ATL1: variants seen among roughly 807,000 people sequenced by gnomAD.
ATL1 encodes the protein atlastin-1.
ATL1 carries 31 observed loss-of-function variants against 75.5 expected under a neutral mutation model. The ratio of observed to expected loss-of-function variants is 0.41; its 90% CI spans 0.31 to 0.55. The LOEUF (loss-of-function observed/expected upper bound fraction) is 0.55. Ranked by LOEUF, ATL1 falls within the 20% of genes least tolerant of loss-of-function variation. The pLI is 0.27. For synonymous variants in ATL1, 226 were observed against 233.3 expected (o/e 0.97, Z 0.28); for missense variants, 405 against 662.6 (o/e 0.61, Z 4.27).
intron 1 of ATL1, among the ~76,000 whole-genome samples, chr14:50,577,580 T>C (rs557281512): frequency 3.9e-5 from 6 of 152,206 alleles, no homozygotes; most frequent in Non-Finnish European, 8.8e-5. Context: ...TTAGTATATA[T>C]AATTCTGAAA....
chr14:50,595,464 G>C (rs1595603194), intron 5 of ATL1, 112 bp from the exon 6 acceptor site: 1 of 942,606 alleles, frequency 1.1e-6, no homozygotes, highest in Non-Finnish European at 1.7e-6. Context: ...GTTATACCTA[G>C]AGGGAAAAGT....
intron 1 of ATL1, chr14:50,572,107 AT>A: frequency 2.7e-5 from 13 of 476,452 alleles, no homozygotes; most frequent in East Asian, 6.1e-5. Context: ...TTGTCCATAA[AT>A]TTTTTTAAAT....
intron 6 of ATL1, among the ~76,000 whole-genome samples, chr14:50,607,376 G>T (rs1323866404): frequency 6.6e-6 from 1 of 152,032 alleles, no homozygotes. Flanking sequence ...ACATGTAGGC[G>T]TCAGGGGCGT....
At chr14:50,614,222 C>A in intron 7 of ATL1, 151 bp from the exon 8 acceptor site, 1 of 871,164 alleles carries the variant, frequency 1.1e-6, no homozygotes. Context: ...GGCAAACCCA[C>A]CCAAGACTTT....
chr14:50,607,977 T>C (rs1231332747), intron 6 of ATL1, among the ~76,000 whole-genome samples: 1 of 152,094 alleles, frequency 6.6e-6, no homozygotes, highest in Non-Finnish European at 1.5e-5. Flanking sequence ...TTTTGAATAA[T>C]TTCCTGAAAG....
intron 8 of ATL1, among the ~76,000 whole-genome samples, chr14:50,617,834 G>A (rs558803301): frequency 2.6e-5 from 4 of 152,306 alleles, no homozygotes; most frequent in African/African-American, 9.6e-5. Flanking sequence ...TCTGGTTCAT[G>A]TCTTTACTGT....
At chr14:50,621,554 G>A (rs1332975300) in intron 9 of ATL1, among the ~76,000 whole-genome samples, 1 of 152,156 alleles carries the variant, frequency 6.6e-6, no homozygotes, top group Non-Finnish European at 1.5e-5. Flanking sequence ...TAACTGAAAA[G>A]GGCGTTACTC....
At chr14:50,604,476 G>T (rs755954163) in intron 6 of ATL1, among the ~76,000 whole-genome samples, 4 of 152,098 alleles carry the variant, frequency 2.6e-5, no homozygotes, top group South Asian at 4.1e-4. Flanking sequence ...TAAGGGGGTA[G>T]TATATACATA....
intron 6 of ATL1, among the ~76,000 whole-genome samples, chr14:50,610,872 T>G (rs1290091687): frequency 3.9e-5 from 6 of 152,100 alleles, no homozygotes; most frequent in Non-Finnish European, 8.8e-5. Flanking sequence ...TTCCGTCTAG[T>G]TCCCCTTCTA....
intron 8 of ATL1, among the ~76,000 whole-genome samples, chr14:50,617,483 A>C (rs2039426367): frequency 6.6e-6 from 1 of 152,228 alleles, no homozygotes; most frequent in African/African-American, 2.4e-5. Context: ...TAGACTTGAG[A>C]ATGCATAGTC....
At chr14:50,589,888 G>A (rs1194390904) in intron 2 of ATL1, among the ~76,000 whole-genome samples, 1 of 152,070 alleles carries the variant, frequency 6.6e-6, no homozygotes, top group Non-Finnish European at 1.5e-5. Context: ...GTTACTGTAA[G>A]GTTTTAGATT....
intron 1 of ATL1, among the ~76,000 whole-genome samples, chr14:50,547,326 GA>G (rs201867805): frequency 6.0e-5 from 9 of 150,620 alleles, no homozygotes; most frequent in Admixed American, 1.3e-4. Flanking sequence ...ATTTCCAGTT[GA>G]AAAAAAAATG....
At chr14:50,607,775 T>A (rs562023022) in intron 6 of ATL1, among the ~76,000 whole-genome samples, 1 of 152,120 alleles carries the variant, frequency 6.6e-6, no homozygotes, top group Non-Finnish European at 1.5e-5. Flanking sequence ...TACTGTTATT[T>A]TTCAGATAAC....
chr14:50,627,730 C>A (rs2039534980), intron 11 of ATL1, among the ~76,000 whole-genome samples: 1 of 152,134 alleles, frequency 6.6e-6, no homozygotes, highest in Non-Finnish European at 1.5e-5. Flanking sequence ...ACTCAGTTTG[C>A]ACTTCATGTT....
At chr14:50,559,396 G>A (rs2038805229), upstream of ATL1, 2 of 152,238 alleles carry the variant, frequency 1.3e-5, no homozygotes, top group Admixed American at 1.3e-4. Flanking sequence ...CAGAGAGAAA[G>A]CAGTGAAAAG....
At chr14:50,576,796 C>G (rs575700985) in intron 1 of ATL1, among the ~76,000 whole-genome samples, 1 of 152,128 alleles carries the variant, frequency 6.6e-6, no homozygotes, top group African/African-American at 2.4e-5. Context: ...AGGCTTGTCT[C>G]GAACTCCAGA....
intron 10 of ATL1, among the ~76,000 whole-genome samples, chr14:50,622,746 T>A (rs2039480093): frequency 6.6e-6 from 1 of 152,152 alleles, no homozygotes; most frequent in Admixed American, 6.5e-5. Flanking sequence ...ATTTTTAAAA[T>A]GTAAGTTCTT....
At chr14:50,609,835 G>T (rs1229103914) in intron 6 of ATL1, among the ~76,000 whole-genome samples, 3 of 151,990 alleles carry the variant, frequency 2.0e-5, no homozygotes, top group Non-Finnish European at 4.4e-5. Flanking sequence ...AATGAACTTG[G>T]AACACCTTTG....
At chr14:50,535,196 G>T (rs896233143) in intron 1 of ATL1, among the ~76,000 whole-genome samples, 1 of 152,170 alleles carries the variant, frequency 6.6e-6, no homozygotes, top group African/African-American at 2.4e-5. Context: ...TTCTTTGAAA[G>T]TTCTTCAGTA....
Sources: gnomAD v4.1 joint callset for allele counts (sites outside exome capture counted in the v4.1 genomes callset) on GRCh38, gnomAD v4.1.1 for gene constraint, MANE v1.5 for transcripts, NCBI Gene and HGNC (gene_info 2026-07-23, HGNC 2026-07-21) for gene names.